Variants in NYAP2 observed in about 807,000 individuals in gnomAD.
NYAP2 encodes the protein neuronal tyrosine-phosphorylated phosphoinositide-3-kinase adapter 2.
In NYAP2, 23 loss-of-function variants were observed where a neutral mutation model predicts 50.4. The observed-to-expected ratio is 0.46, with a 90% CI of 0.33 to 0.65. NYAP2 has a LOEUF of 0.65. NYAP2 is among the 30% of genes least tolerant of loss of function. NYAP2 has a pLI of 0.02. For missense variants in NYAP2, 885 were observed against 861.0 expected (o/e 1.03, Z -0.35); for synonymous variants, 394 against 365.2 (o/e 1.08, Z -0.90).
chr2:225,694,443 A>C, the NYAP2 span, among the ~76,000 whole-genome samples: 2 of 151,952 alleles, frequency 1.3e-5, no homozygotes, highest in Non-Finnish European at 2.9e-5. Context: ...CAAAACAATG[A>C]ATGAAAGCAT....
At chr2:225,602,416 A>G (rs1392338240) in intron 5 of NYAP2, among the ~76,000 whole-genome samples, 1 of 152,142 alleles carries the variant, frequency 6.6e-6, no homozygotes, top group Non-Finnish European at 1.5e-5. Flanking sequence ...GTTTCCATTC[A>G]TGGAGGCAGG....
intron 4 of NYAP2, among the ~76,000 whole-genome samples, chr2:225,548,984 G>A (rs1294974043): frequency 2.0e-5 from 3 of 151,540 alleles, no homozygotes; most frequent in South Asian, 2.1e-4. Flanking sequence ...TGGGTCAAGC[G>A]ATCCTCCTGC....
At chr2:225,597,534 T>TATATATATATA (rs1553554344) in intron 5 of NYAP2, among the ~76,000 whole-genome samples, 1 of 123,310 alleles carries the variant, frequency 8.1e-6, no homozygotes, top group Non-Finnish European at 1.8e-5. Flanking sequence ...TATATATGTA[T>TATATATATATA]CACAATTTCC....
intron 4 of NYAP2, among the ~76,000 whole-genome samples, chr2:225,523,223 G>T (rs550213628): frequency 6.6e-6 from 1 of 151,722 alleles, no homozygotes; most frequent in South Asian, 2.1e-4. Context: ...CCTCACAAGA[G>T]CAGTCAGGTA....
chr2:225,642,143 A>G (rs1256412683), intron 6 of NYAP2, among the ~76,000 whole-genome samples: 1 of 152,112 alleles, frequency 6.6e-6, no homozygotes, highest in African/African-American at 2.4e-5. Context: ...GGCAGAGTGA[A>G]GTAGTGTGAT....
chr2:225,495,348 T>C (rs545392610), intron 3 of NYAP2, among the ~76,000 whole-genome samples: 4 of 152,332 alleles, frequency 2.6e-5, no homozygotes, highest in Admixed American at 2.6e-4. Context: ...TAGATTGAAC[T>C]CGACTGGAGG....
At chr2:225,535,374 T>TCCCA (rs1691331520) in intron 4 of NYAP2, among the ~76,000 whole-genome samples, 3 of 152,082 alleles carry the variant, frequency 2.0e-5, no homozygotes, top group African/African-American at 7.2e-5. Flanking sequence ...TTCCCAAAGA[T>TCCCA]AGTTAGGAGA....
intron 3 of NYAP2, among the ~76,000 whole-genome samples, chr2:225,451,186 A>G (rs1242538085): frequency 2.0e-5 from 3 of 152,148 alleles, no homozygotes; most frequent in Admixed American, 6.6e-5. Context: ...AAAATGAGGA[A>G]AACTTGGAGG....
chr2:225,557,513 G>C lies in NYAP2; in HGVS notation c.524-24428G>C, dbSNP rs184558204. On this transcript the variant is annotated intron_variant, in intron 4 of 6. Transcript: ENST00000636099. ...TTTAGTGGAGAAAATAGATGTGTGA[G>C]ACAAAACATAAATATAATTTCAGAT... is the stretch of plus-strand genomic sequence containing the variant. 3.3e-5 allele frequency among the ~76,000 whole-genome samples: 5 copies of C among 152,132 alleles called. No homozygotes were observed. In the East Asian group the frequency reaches 9.7e-4, roughly 29 times the overall value.
chr2:225,464,347 C>T (rs1689881521), intron 3 of NYAP2, among the ~76,000 whole-genome samples: 1 of 152,154 alleles, frequency 6.6e-6, no homozygotes, highest in Non-Finnish European at 1.5e-5. Context: ...TGATAAACAT[C>T]CTATGTGTCA....
intron 4 of NYAP2, among the ~76,000 whole-genome samples, chr2:225,535,354 C>T (rs776429515): frequency 1.3e-5 from 2 of 152,190 alleles, no homozygotes; most frequent in Non-Finnish European, 2.9e-5. Flanking sequence ...GAGATGCAAT[C>T]AATTGATAGT....
chr2:225,587,803 A>T (rs1007177556), intron 5 of NYAP2, among the ~76,000 whole-genome samples: 4 of 146,110 alleles, frequency 2.7e-5, no homozygotes, highest in African/African-American at 1.0e-4. Context: ...ATTATTATTA[A>T]AAGAGAAATG....
intron 3 of NYAP2, among the ~76,000 whole-genome samples, chr2:225,449,254 T>C (rs1574620658): frequency 6.6e-6 from 1 of 152,188 alleles, no homozygotes. Flanking sequence ...TCCTTAACTA[T>C]ATAATAGGGT....
chr2:225,537,301 C>T (rs905082413), intron 4 of NYAP2, among the ~76,000 whole-genome samples: 2 of 152,178 alleles, frequency 1.3e-5, no homozygotes, highest in Non-Finnish European at 2.9e-5. Flanking sequence ...TCACAAATGT[C>T]GGTATCTCAC....
At chr2:225,572,993 C>A (rs1179400093) in intron 4 of NYAP2, among the ~76,000 whole-genome samples, 1 of 152,030 alleles carries the variant, frequency 6.6e-6, no homozygotes, top group Non-Finnish European at 1.5e-5. Flanking sequence ...TTTCTATCTC[C>A]TCTCTGAATC....
At chr2:225,457,849 A>G (rs1689763463) in intron 3 of NYAP2, among the ~76,000 whole-genome samples, 1 of 152,250 alleles carries the variant, frequency 6.6e-6, no homozygotes, top group Admixed American at 6.5e-5. Context: ...ATGAGAGGAA[A>G]ACAACTGTCT....
intron 4 of NYAP2, among the ~76,000 whole-genome samples, chr2:225,519,143 C>A (rs1690996967): frequency 6.6e-6 from 1 of 151,626 alleles, no homozygotes; most frequent in Admixed American, 6.6e-5. Context: ...GAAATATTCC[C>A]CAGGCAAAAT....
intron 5 of NYAP2, among the ~76,000 whole-genome samples, chr2:225,621,711 A>T (rs903691639): frequency 8.1e-5 from 12 of 148,900 alleles, no homozygotes; most frequent in Non-Finnish European, 1.3e-4. Flanking sequence ...GTTTTTTTTT[A>T]TTTTTTTTTT....
intron 3 of NYAP2, among the ~76,000 whole-genome samples, chr2:225,437,508 T>C (rs974847428): frequency 3.3e-5 from 5 of 152,168 alleles, no homozygotes; most frequent in African/African-American, 1.2e-4. Flanking sequence ...TCACACTGCT[T>C]GTAGATCACA....
Sources: allele counts gnomAD v4.1 joint callset (sites outside exome capture counted in the v4.1 genomes callset), GRCh38; gene constraint gnomAD v4.1.1; transcripts MANE v1.5; gene names NCBI Gene and HGNC (gene_info 2026-07-23, HGNC 2026-07-21).